CRYM: variants seen among roughly 807,000 people sequenced by gnomAD.
CRYM encodes the protein crystallin mu, also known as ketimine reductase mu-crystallin.
A neutral mutation model predicts 32.9 loss-of-function variants in CRYM; 18 were observed. That is an observed-to-expected ratio of 0.55 (90% CI 0.38 to 0.81). The LOEUF is 0.81. Among genes scored for constraint, CRYM ranks in the 30% least tolerant of loss-of-function variants. The probability of loss-of-function intolerance (pLI) is 0.00; values close to 1 mark genes in which losing one functional copy is unlikely to be tolerated. For synonymous variants in CRYM, 153 were observed against 152.4 expected (o/e 1.00, Z -0.03); for missense variants, 337 against 393.5 (o/e 0.86, Z 1.21).
chr16:21,290,179 C>T (rs950255282), intron 1 of CRYM, among the ~76,000 whole-genome samples: 1 of 152,140 alleles, frequency 6.6e-6, no homozygotes. Context: ...GCTGTGGGAA[C>T]TTTTTTCTTT....
In CRYM at chr16:21,277,131, C is replaced by T. The variant is rs997403976; in HGVS notation, c.324+300G>A. ...TTGGCTAATGGGTTCATTCAAGCTG[C>T]GTATTTGGGGCAACTGAGTATAGGA... On this transcript the variant is annotated intron_variant, in intron 2 of 7. Transcript: ENST00000572914. The surrounding 1 kb of genome is among the most constrained non-coding windows in gnomAD (Gnocchi z 4.2). 2.6e-5 allele frequency among the ~76,000 whole-genome samples: 4 copies of T among 152,098 alleles called. No individual in the cohort carries two copies. Among genetic ancestry groups the T allele is most frequent in the Non-Finnish European group, 1.5e-5 (1 of 68,026 alleles).
At chr16:21,261,482 C>T in intron 6 of CRYM, 144 bp from the exon 7 acceptor site, 1 of 682,638 alleles carries the variant, frequency 1.5e-6, no homozygotes, top group Non-Finnish European at 2.6e-6. Flanking sequence ...ATCCTTTGTA[C>T]ACTGAATGAT....
intron 1 of CRYM, among the ~76,000 whole-genome samples, chr16:21,286,511 G>A (rs2093407618): frequency 1.3e-5 from 2 of 151,710 alleles, no homozygotes; most frequent in African/African-American, 4.8e-5. Flanking sequence ...ACAGGCATGA[G>A]CCACCGCACC....
At chr16:21,295,489 C>T (rs1372259102) in intron 1 of CRYM, among the ~76,000 whole-genome samples, 1 of 152,096 alleles carries the variant, frequency 6.6e-6, no homozygotes, top group African/African-American at 2.4e-5. Context: ...AAGTGTCTGT[C>T]ATATCCCTTG....
intron 1 of CRYM, among the ~76,000 whole-genome samples, chr16:21,286,069 A>G (rs574553108): frequency 2.0e-5 from 3 of 152,348 alleles, no homozygotes; most frequent in East Asian, 3.9e-4. Flanking sequence ...CCTGGATTCA[A>G]GAGTACTTGT....
intron 1 of CRYM, among the ~76,000 whole-genome samples, chr16:21,288,746 A>G (rs79162879): frequency 6.6e-6 from 1 of 152,164 alleles, no homozygotes; most frequent in African/African-American, 2.4e-5. Context: ...ATAAATGTGA[A>G]AAAACTAAAC....
intron 1 of CRYM, among the ~76,000 whole-genome samples, chr16:21,290,595 G>T (rs1230180881): frequency 6.6e-6 from 1 of 152,152 alleles, no homozygotes; most frequent in Non-Finnish European, 1.5e-5. Flanking sequence ...TATGCTTTTT[G>T]CTCAGACTTA....
intron 1 of CRYM, among the ~76,000 whole-genome samples, chr16:21,298,382 A>G (rs1960831338): frequency 6.6e-6 from 1 of 152,226 alleles, no homozygotes; most frequent in Admixed American, 6.5e-5. Context: ...AAACACTAAA[A>G]ACAACCCGCA....
At chr16:21,271,859 T>A (rs61174579) in intron 3 of CRYM, among the ~76,000 whole-genome samples, 3,910 of 152,152 alleles carry the variant, frequency 0.026, 118 homozygotes, top group East Asian at 0.082. Context: ...TTGATATTTT[T>A]AAAATTTTTT....
intron 1 of CRYM, among the ~76,000 whole-genome samples, chr16:21,299,300 T>C (rs1485141700): frequency 6.6e-6 from 1 of 152,050 alleles, no homozygotes; most frequent in African/African-American, 2.4e-5. Flanking sequence ...CTTTTAGTTT[T>C]TTTTTTTAAT....
chr16:21,260,226 G>C (rs1359179359), intron 7 of CRYM, among the ~76,000 whole-genome samples: 1 of 152,132 alleles, frequency 6.6e-6, no homozygotes, highest in Non-Finnish European at 1.5e-5. Flanking sequence ...CACTCTCGAG[G>C]GGCTCAGGAT....
chr16:21,260,613 TTC>T (rs2093352679), intron 7 of CRYM, among the ~76,000 whole-genome samples: 1 of 152,160 alleles, frequency 6.6e-6, no homozygotes, highest in Admixed American at 6.5e-5. Context: ...TCCCATGTAC[TTC>T]TGTTTCCTTC....
chr16:21,281,220 A>G (rs887802396), upstream of CRYM, among the ~76,000 whole-genome samples: 1 of 151,164 alleles, frequency 6.6e-6, no homozygotes, highest in Non-Finnish European at 1.5e-5. Flanking sequence ...GTATCTATGT[A>G]TCTATATAGA....
chr16:21,295,608 T>A (rs1297372507), intron 1 of CRYM, among the ~76,000 whole-genome samples: 1 of 152,188 alleles, frequency 6.6e-6, no homozygotes, highest in African/African-American at 2.4e-5. Context: ...ACTATAGTAA[T>A]ACAATGGTAT....
At chr16:21,276,538 T>C (rs570088102) in intron 2 of CRYM, among the ~76,000 whole-genome samples, 2 of 152,278 alleles carry the variant, frequency 1.3e-5, no homozygotes, top group Non-Finnish European at 2.9e-5. Context: ...AGTCTTTCAC[T>C]AACCAGATGT....
chr16:21,260,590 G>A (rs916401624), intron 7 of CRYM, among the ~76,000 whole-genome samples: 15 of 152,138 alleles, frequency 9.9e-5, no homozygotes, highest in Admixed American at 2.0e-4. Flanking sequence ...GTGAGCCACC[G>A]AGCTCAGCCT....
chr16:21,267,137 G>A (rs183146026), intron 5 of CRYM, among the ~76,000 whole-genome samples: 2 of 151,996 alleles, frequency 1.3e-5, no homozygotes, highest in Non-Finnish European at 2.9e-5. Flanking sequence ...TCTCTCTGTT[G>A]CCCAGGCTAA....
At chr16:21,282,477 C>T (rs1396643758), upstream of CRYM, among the ~76,000 whole-genome samples, 1 of 151,772 alleles carries the variant, frequency 6.6e-6, no homozygotes, top group East Asian at 1.9e-4. Context: ...AAACCAAATA[C>T]TCATCAACTA....
At chr16:21,291,316 C>T (rs1960649729) in intron 1 of CRYM, among the ~76,000 whole-genome samples, 1 of 152,180 alleles carries the variant, frequency 6.6e-6, no homozygotes, top group Non-Finnish European at 1.5e-5. Flanking sequence ...GTATTCCTAA[C>T]TCCATAAATT....
Sources: gnomAD v4.1 joint callset for allele counts (sites outside exome capture counted in the v4.1 genomes callset) on GRCh38, gnomAD v4.1.1 for gene constraint, Gnocchi (gnomAD v3.1) non-coding constraint, MANE v1.5 for transcripts, NCBI Gene and HGNC (gene_info 2026-07-23, HGNC 2026-07-21) for gene names.